The following TRAF3 variants were observed in gnomAD, a reference collection of about 807,000 sequenced individuals.
TRAF3 encodes the protein TNF receptor associated factor 3.
A neutral mutation model predicts 62.3 loss-of-function variants in TRAF3; 13 were observed. The observed-to-expected ratio is 0.21, with a 90% CI of 0.14 to 0.33. TRAF3 has a LOEUF of 0.33. Among genes scored for constraint, TRAF3 ranks in the 10% least tolerant of loss-of-function variants. The pLI is 1.00. For missense variants in TRAF3, 440 were observed against 741.8 expected (o/e 0.59, Z 4.73); for synonymous variants, 269 against 283.4 (o/e 0.95, Z 0.51).
chr14:102,849,363 T>C (rs942641915), intron 2 of TRAF3, among the ~76,000 whole-genome samples: 3 of 152,240 alleles, frequency 2.0e-5, no homozygotes, highest in Non-Finnish European at 4.4e-5. Context: ...GACTGAGCCC[T>C]TGGCTCCTCT....
chr14:102,861,255 C>T (rs1440592421), intron 2 of TRAF3, among the ~76,000 whole-genome samples: 1 of 152,198 alleles, frequency 6.6e-6, no homozygotes, highest in Admixed American at 6.5e-5. Context: ...CCACAGCCAT[C>T]AGCAAAGAGT....
chr14:102,783,133 A>G (rs1411438809), intron 1 of TRAF3, among the ~76,000 whole-genome samples: 1 of 152,208 alleles, frequency 6.6e-6, no homozygotes, highest in Non-Finnish European at 1.5e-5. Flanking sequence ...GTTTGTGTCC[A>G]GATTCTGCAA....
intron 11 of TRAF3, 115 bp from the exon 12 acceptor site, chr14:102,905,098 C>T (rs1193186418): frequency 3.5e-5 from 39 of 1,102,950 alleles, no homozygotes; most frequent in South Asian, 3.3e-4. Context: ...GGCAACAGAG[C>T]GAGACTCCGT....
At chr14:102,807,348 C>A (rs903692954) in intron 1 of TRAF3, among the ~76,000 whole-genome samples, 2 of 152,176 alleles carry the variant, frequency 1.3e-5, no homozygotes, top group Admixed American at 1.3e-4. Context: ...CCTCCTTTCT[C>A]CAGGGGCCTG....
At chr14:102,788,980 A>C (rs1455446957) in intron 1 of TRAF3, among the ~76,000 whole-genome samples, 1 of 152,186 alleles carries the variant, frequency 6.6e-6, no homozygotes, top group Non-Finnish European at 1.5e-5. Context: ...CTTAAAAAAG[A>C]AAAACAACTT....
intron 6 of TRAF3, among the ~76,000 whole-genome samples, chr14:102,879,303 A>T (rs1391459455): frequency 6.6e-6 from 1 of 151,904 alleles, no homozygotes; most frequent in Non-Finnish European, 1.5e-5. Flanking sequence ...AGAGAGTCTC[A>T]CTCTGTCATC....
At position 102,795,598 on chromosome 14, in the gene TRAF3, A is replaced by ATGTGTGTGTGTGTGTGTGTG. The variant is rs58263343; in HGVS notation, c.-157+17926_-157+17945dup. 7.5e-3 allele frequency among the ~76,000 whole-genome samples: 1,127 copies of ATGTGTGTGTGTGTGTGTGTG among 149,286 alleles called. 6 individuals are homozygous for ATGTGTGTGTGTGTGTGTGTG. Among genetic ancestry groups the ATGTGTGTGTGTGTGTGTGTG allele is most frequent in the South Asian group, 0.013 (61 of 4,662 alleles). The stretch of plus-strand genomic sequence containing the variant: ...TGATATGTATGCATGATATGTATAT[A>ATGTGTGTGTGTGTGTGTGTG]TGTGTGTGTGTGTGTGTGTGTGCAT... On this transcript the variant is annotated intron_variant, in intron 1 of 11. Coordinates refer to ENST00000392745, the MANE Select transcript of TRAF3 (RefSeq NM_145725.3).
chr14:102,851,511 G>A (rs189156031), intron 2 of TRAF3, among the ~76,000 whole-genome samples: 3 of 152,192 alleles, frequency 2.0e-5, no homozygotes, highest in South Asian at 4.1e-4. Flanking sequence ...TTGGGAGGCC[G>A]AGGTGGGCGG....
intron 1 of TRAF3, among the ~76,000 whole-genome samples, chr14:102,789,616 G>T (rs1897693989): frequency 6.6e-6 from 1 of 151,978 alleles, no homozygotes; most frequent in South Asian, 2.1e-4. Flanking sequence ...GTGTGTGTGT[G>T]TGTGTGTGGT....
intron 2 of TRAF3, among the ~76,000 whole-genome samples, chr14:102,862,724 A>G (rs529460295): frequency 4.1e-4 from 62 of 152,172 alleles, no homozygotes; most frequent in Non-Finnish European, 6.9e-4. Context: ...CTGTCTTTCT[A>G]AGACCCTATA....
intron 2 of TRAF3, among the ~76,000 whole-genome samples, chr14:102,868,885 A>G (rs754807942): frequency 6.6e-6 from 1 of 152,226 alleles, no homozygotes; most frequent in Non-Finnish European, 1.5e-5. Flanking sequence ...AGAGCTGTGC[A>G]AGCTGGGACC....
chr14:102,800,981 A>ATCCTGG (rs747458472), intron 1 of TRAF3, among the ~76,000 whole-genome samples: 1 of 151,808 alleles, frequency 6.6e-6, no homozygotes, highest in Non-Finnish European at 1.5e-5. Context: ...GATCGAGACC[A>ATCCTGG]CGGTGAAACC....
chr14:102,779,957 C>G (rs1390058845), intron 1 of TRAF3, among the ~76,000 whole-genome samples: 1 of 152,222 alleles, frequency 6.6e-6, no homozygotes, highest in Non-Finnish European at 1.5e-5. Flanking sequence ...AGGGTCCACT[C>G]CATGGAATCA....
chr14:102,860,032 C>T (rs1887591489), intron 2 of TRAF3, among the ~76,000 whole-genome samples: 1 of 152,190 alleles, frequency 6.6e-6, no homozygotes, highest in African/African-American at 2.4e-5. Context: ...CCAGGCAACC[C>T]AGAGCCAATC....
chr14:102,824,776 T>C (rs199734924), intron 1 of TRAF3, among the ~76,000 whole-genome samples: 2 of 152,374 alleles, frequency 1.3e-5, no homozygotes, highest in East Asian at 3.9e-4. Context: ...TTTGCCATGG[T>C]CATTCTAGTT....
At chr14:102,799,524 C>T (rs566663000) in intron 1 of TRAF3, among the ~76,000 whole-genome samples, 3 of 152,260 alleles carry the variant, frequency 2.0e-5, no homozygotes, top group South Asian at 4.1e-4. Flanking sequence ...GATCTCTGCT[C>T]GCTGCAACCT....
rs1422283532 is a variant in TRAF3 at position 102,910,149 on chromosome 14, T to G, written c.*4365T>G. On this transcript the variant is annotated 3_prime_UTR_variant, in exon 12 of 12. Coordinates refer to ENST00000392745, the MANE Select transcript of TRAF3 (RefSeq NM_145725.3). ...GTTGCAGGATTGGGCGGGTGCAGAC[T>G]CCCCTTGCGGGCCCCTTGCTCAATC... 3 of 152,136 alleles carry G rather than the reference T, an allele frequency of 2.0e-5. No homozygotes were observed. Among genetic ancestry groups the G allele is most frequent in the Admixed American group, 2.0e-4 (3 of 15,280 alleles). The allele number at this position is 152,136 out of a possible 1,614,324, so 9.4% of individuals were successfully genotyped here.
intron 3 of TRAF3, 95 bp from the exon 4 acceptor site, chr14:102,871,822 C>A: frequency 8.5e-7 from 1 of 1,174,080 alleles, no homozygotes; most frequent in Non-Finnish European, 1.3e-6. Context: ...AGCCACTGTG[C>A]AGACCTGACC....
intron 1 of TRAF3, among the ~76,000 whole-genome samples, chr14:102,818,929 T>C (rs530905607): frequency 1.3e-5 from 2 of 152,208 alleles, no homozygotes; most frequent in Admixed American, 6.5e-5. Flanking sequence ...TTGTATCTTA[T>C]AAATAAATAC....
Sources: gnomAD v4.1 joint callset for allele counts (sites outside exome capture counted in the v4.1 genomes callset) on GRCh38, gnomAD v4.1.1 for gene constraint, MANE v1.5 for transcripts, NCBI Gene and HGNC (gene_info 2026-07-23, HGNC 2026-07-21) for gene names.